Variants in LRRC9 observed in about 807,000 individuals in gnomAD.
The protein encoded by LRRC9 is leucine rich repeat containing 9.
Under a neutral mutation model 63.2 loss-of-function variants are expected in LRRC9, and 122 were observed. The observed-to-expected ratio is 1.93, with a 90% confidence interval of 1.67 to 2.24. The LOEUF (loss-of-function observed/expected upper bound fraction) is 2.24, where lower values mean the gene tolerates loss of function less well. LRRC9 is among the 30% of genes most tolerant of loss of function. LRRC9 has a pLI of 0.00. For synonymous variants in LRRC9, 366 were observed against 213.1 expected, an observed-to-expected ratio of 1.72 and a Z score of -6.25; for missense variants, 1,071 against 627.7, an observed-to-expected ratio of 1.71 and a Z score of -7.55.
intron 18 of LRRC9, among the ~76,000 whole-genome samples, 164 bp from the exon 19 acceptor site, chr14:59,998,937 A>G (rs922576179): frequency 6.6e-6 from 1 of 152,118 alleles, no homozygotes; most frequent in Non-Finnish European, 1.5e-5. Context: ...TAATTATTCA[A>G]CATAATTTCA....
At chr14:59,970,789 G>A (rs894254322) in intron 12 of LRRC9, among the ~76,000 whole-genome samples, 2 of 150,618 alleles carry the variant, frequency 1.3e-5, no homozygotes, top group African/African-American at 4.9e-5. Context: ...ATTTTTTTTT[G>A]TAAATGTGTT....
At chr14:60,002,159 A>G in intron 20 of LRRC9, 59 bp downstream of exon 20, 1 of 635,088 alleles carries the variant, frequency 1.6e-6, no homozygotes, top group Middle Eastern at 2.6e-4. Flanking sequence ...TTTTTAAGTC[A>G]GTGTTGGTCT....
chr14:59,934,719 T>C (rs891484217), intron 6 of LRRC9, among the ~76,000 whole-genome samples: 2 of 152,178 alleles, frequency 1.3e-5, no homozygotes, highest in Admixed American at 6.5e-5. Context: ...CTTAAGATAC[T>C]ACACTAAATC....
At position 59,927,158 on chromosome 14, in the gene LRRC9, T is replaced by C. The variant is rs1013104549; in HGVS notation, c.-33-753T>C. On this transcript the variant is annotated intron_variant, in intron 1 of 31. Transcript: ENST00000445360. This position sits in a 1 kb window ranked among gnomAD's most constrained non-coding sequence, Gnocchi z 4.4. Reference sequence around the variant, plus strand: ...ATACATGCATTTACATATATACACATGTATACACACATGCCTATGGGGGAG... The same window carrying C: ...ATACATGCATTTACATATATACACACGTATACACACATGCCTATGGGGGAG... Among the ~76,000 whole-genome samples the C allele has an allele frequency of 1.3e-5, 2 of 152,076 alleles. No individual in the cohort carries two copies. The highest frequency in any genetic ancestry group is 4.8e-5 in the African/African-American group (2 of 41,436).
rs925974349 is a variant in LRRC9, at chr14:60,028,164, A to G, written c.3921+63A>G. ...TTTAGTTTCTCTGAGTTCTGAGCAT[A>G]AAGCTTCCAAACACATCAATGAAAA... On this transcript the variant is annotated intron_variant, in intron 28 of 31. Transcript: ENST00000445360. The G allele has an allele frequency of 4.7e-6, 3 of 640,594 alleles. No homozygotes were observed. In the African/African-American group the frequency reaches 5.5e-5, roughly 12 times the overall value. 39.7% of individuals were successfully genotyped at this position (640,594 alleles called of 1,614,324 possible). A position where few individuals can be genotyped will look rare whatever the true frequency, so the allele number is the denominator to read the frequency against.
intron 23 of LRRC9, among the ~76,000 whole-genome samples, chr14:60,008,780 G>A (rs370102873): frequency 4.6e-5 from 7 of 152,252 alleles, no homozygotes; most frequent in African/African-American, 1.7e-4. Flanking sequence ...TGTGTAAAGA[G>A]TAAAAGGTTT....
At chr14:60,055,421 T>C (rs1364036562) in intron 30 of LRRC9, among the ~76,000 whole-genome samples, 1 of 152,210 alleles carries the variant, frequency 6.6e-6, no homozygotes, top group Non-Finnish European at 1.5e-5. Flanking sequence ...TTTCTTTCCT[T>C]TTCCCTTTTT....
intron 15 of LRRC9, among the ~76,000 whole-genome samples, chr14:59,981,015 A>G (rs759232472): frequency 4.6e-5 from 7 of 152,042 alleles, no homozygotes; most frequent in Non-Finnish European, 1.0e-4. Context: ...TCCATTCTCT[A>G]TTAGGCCCTC....
At position 60,017,233 on chromosome 14, in the gene LRRC9, C is replaced by T. The variant is rs1014979054; in HGVS notation, c.3317+443C>T. The stretch of plus-strand genomic sequence containing the variant: ...CATAAAAGACTCTTTATTATCTGTC[C>T]ATTATTATCTCTTGTAGTCCTTTTC... On this transcript the variant is annotated intron_variant, in intron 24 of 31. Coordinates refer to ENST00000445360, the Ensembl canonical transcript of LRRC9. This position sits in a 1 kb window ranked among gnomAD's most constrained non-coding sequence, Gnocchi z 4.0. Among the ~76,000 whole-genome samples, 1 of 151,922 alleles carries T rather than the reference C, an allele frequency of 6.6e-6. No individual in the cohort carries two copies. The highest frequency in any genetic ancestry group is 2.4e-5 in the African/African-American group (1 of 41,376).
intron 8 of LRRC9, among the ~76,000 whole-genome samples, chr14:59,952,214 T>C (rs1274412053): frequency 4.6e-5 from 7 of 151,972 alleles, no homozygotes; most frequent in Non-Finnish European, 1.0e-4. Flanking sequence ...GCGCCGTTTT[T>C]TAAGCCGGTC....
At chr14:60,000,641 A>G (rs968113186) in intron 19 of LRRC9, among the ~76,000 whole-genome samples, 1 of 152,144 alleles carries the variant, frequency 6.6e-6, no homozygotes, top group Non-Finnish European at 1.5e-5. Flanking sequence ...TAAGGAGTTT[A>G]TTGTAAAAGG....
chr14:59,962,781 A>G lies in LRRC9; in HGVS notation c.1211+1736A>G, dbSNP rs78669215. On this transcript the variant is annotated intron_variant, in intron 10 of 31. Transcript: ENST00000445360. The surrounding 1 kb of genome is among the most constrained non-coding windows in gnomAD (Gnocchi z 5.1). ...ACTCTTTGCAACAAGTGGATTAGTGAAAAAAAAAAAAATGTAAAAGCAAAA... is the reference window on the plus strand; with the variant it reads ...ACTCTTTGCAACAAGTGGATTAGTGGAAAAAAAAAAAATGTAAAAGCAAAA... Among the ~76,000 whole-genome samples, 1 of 88,482 alleles carries G rather than the reference A, an allele frequency of 1.1e-5. No homozygotes were observed. The highest frequency in any genetic ancestry group is 1.2e-4 in the Admixed American group (1 of 8,268). The allele number at this position is 88,482 out of a possible 152,430, so 58.0% of individuals were successfully genotyped here. A position where few individuals can be genotyped will look rare whatever the true frequency, so the allele number is the denominator to read the frequency against.
At position 59,927,292 on chromosome 14, in the gene LRRC9, T is replaced by C. The variant is rs1889287969; in HGVS notation, c.-33-619T>C. Among the ~76,000 whole-genome samples, 1 of 152,082 alleles carries C rather than the reference T, an allele frequency of 6.6e-6. No homozygotes were observed. The highest frequency in any genetic ancestry group is 2.4e-5 in the African/African-American group (1 of 41,446). On this transcript the variant is annotated intron_variant, in intron 1 of 31. Transcript: ENST00000445360. The surrounding 1 kb of genome is among the most constrained non-coding windows in gnomAD (Gnocchi z 4.4). The stretch of plus-strand genomic sequence containing the variant: ...TTATATTTTTTAGATAGTATGTATC[T>C]GGAATAATATACAGAAAATATTACA...
At chr14:60,048,576 C>G (rs932132909) in intron 29 of LRRC9, among the ~76,000 whole-genome samples, 4 of 151,926 alleles carry the variant, frequency 2.6e-5, no homozygotes, top group African/African-American at 9.7e-5. Flanking sequence ...TACACCCTCC[C>G]AAGACTGAAC....
downstream of LRRC9, among the ~76,000 whole-genome samples, chr14:60,065,667 CTGT>C: frequency 1.3e-4 from 2 of 15,052 alleles, no homozygotes; most frequent in Non-Finnish European, 1.3e-3. Context: ...AAAAAAAAAA[CTGT>C]AAAAGAGAGT....
intron 23 of LRRC9, among the ~76,000 whole-genome samples, chr14:60,012,963 TTTA>T (rs1159846674): frequency 2.0e-5 from 3 of 151,338 alleles, no homozygotes; most frequent in Non-Finnish European, 2.9e-5. Flanking sequence ...TTTTTTTAAT[TTTA>T]TTATTATTAT....
chr14:59,952,279 C>G (rs866823252), intron 8 of LRRC9, among the ~76,000 whole-genome samples: 1 of 152,208 alleles, frequency 6.6e-6, no homozygotes, highest in South Asian at 2.1e-4. Flanking sequence ...GCGTCCGTCA[C>G]GCCTTTCTTT....
chr14:60,015,226 A>G (rs538267723), intron 23 of LRRC9, among the ~76,000 whole-genome samples: 1 of 149,044 alleles, frequency 6.7e-6, no homozygotes, highest in East Asian at 2.0e-4. Flanking sequence ...TTGCTTGTTG[A>G]GCATTTTTCC....
At chr14:60,025,971 G>C (rs1891519496) in intron 27 of LRRC9, among the ~76,000 whole-genome samples, 1 of 152,090 alleles carries the variant, frequency 6.6e-6, no homozygotes. Flanking sequence ...ATTTCATTGG[G>C]AGATTGGGCA....
Sources: allele counts gnomAD v4.1 joint callset (sites outside exome capture counted in the v4.1 genomes callset), GRCh38; gene constraint gnomAD v4.1.1; non-coding constraint Gnocchi (gnomAD v3.1); transcripts MANE v1.5; gene names NCBI Gene and HGNC (gene_info 2026-07-23, HGNC 2026-07-21).